SPIDR: variants seen among roughly 807,000 people sequenced by gnomAD.
SPIDR encodes scaffold protein involved in DNA repair.
In SPIDR, 93 loss-of-function variants were observed where a neutral mutation model predicts 104.6. The observed-to-expected ratio is 0.89, with a 90% CI of 0.75 to 1.06. The LOEUF is 1.06. Among genes scored for constraint, SPIDR ranks in the 50% least tolerant of loss-of-function variants. The probability of loss-of-function intolerance (pLI) is 0.00; values close to 1 mark genes in which losing one functional copy is unlikely to be tolerated. For synonymous variants in SPIDR, 431 were observed against 416.9 expected, an observed-to-expected ratio of 1.03 and a Z score of -0.41; for missense variants, 1,154 against 1,111.2, an observed-to-expected ratio of 1.04 and a Z score of -0.55.
chr8:47,620,560 A>T (rs909608239), intron 10 of SPIDR, among the ~76,000 whole-genome samples: 1 of 147,240 alleles, frequency 6.8e-6, no homozygotes, highest in African/African-American at 2.5e-5. Context: ...GAGCCACCGC[A>T]CCCGGCCCAT....
At chr8:47,471,907 G>A (rs1168789319) in intron 8 of SPIDR, among the ~76,000 whole-genome samples, 2 of 152,116 alleles carry the variant, frequency 1.3e-5, no homozygotes, top group Non-Finnish European at 2.9e-5. Context: ...TGAATTAAGG[G>A]CAATAATTCC....
At chr8:47,409,437 T>C (rs1414318233) in intron 7 of SPIDR, among the ~76,000 whole-genome samples, 2 of 152,024 alleles carry the variant, frequency 1.3e-5, no homozygotes, top group East Asian at 3.8e-4. Context: ...ATTTGGTAGT[T>C]TTTTCCTGTG....
intron 19 of SPIDR, chr8:47,732,415 G>A: frequency 1.8e-6 from 1 of 564,174 alleles, no homozygotes; most frequent in Non-Finnish European, 3.2e-6. Context: ...GCGTACATGT[G>A]TGTATGTGTG....
At chr8:47,622,384 C>G (rs1167876518) in intron 10 of SPIDR, among the ~76,000 whole-genome samples, 1 of 152,158 alleles carries the variant, frequency 6.6e-6, no homozygotes, top group East Asian at 1.9e-4. Flanking sequence ...GTGACGTTCC[C>G]TAAGCTTCTG....
rs752295991 is a variant in SPIDR, at chr8:47,682,254, C to CAAAAAAAAAAAAAAAAAAAAAA, written c.1685+8334_1685+8335insAAAAAAAAAAAAAAAAAAAAAA. ...GACCTCAAAAACATGATGCTAAGTC[C>CAAAAAAAAAAAAAAAAAAAAAA]AAAAAAAAAAAAAAAAAAAAACCCA... On this transcript the variant is annotated intron_variant, in intron 11 of 19. Transcript: ENST00000297423. 4.2e-5 allele frequency among the ~76,000 whole-genome samples: 3 copies of CAAAAAAAAAAAAAAAAAAAAAA among 72,196 alleles called. 1 individual carries two copies. Among genetic ancestry groups the CAAAAAAAAAAAAAAAAAAAAAA allele is most frequent in the African/African-American group, 1.1e-4 (2 of 19,030 alleles). The allele number at this position is 72,196 out of a possible 152,430, so 47.4% of individuals were successfully genotyped here. A position where few individuals can be genotyped will look rare whatever the true frequency, so the allele number is the denominator to read the frequency against.
intron 8 of SPIDR, among the ~76,000 whole-genome samples, chr8:47,493,961 G>A (rs2079084298): frequency 6.6e-6 from 1 of 152,052 alleles, no homozygotes. Flanking sequence ...AAGGGGGAGA[G>A]CAAATTATGG....
intron 19 of SPIDR, among the ~76,000 whole-genome samples, chr8:47,733,721 C>A (rs2085666569): frequency 6.6e-6 from 1 of 152,076 alleles, no homozygotes; most frequent in African/African-American, 2.4e-5. Context: ...GACGGGCCCA[C>A]ATGGGATCAT....
rs780924292 is a variant in SPIDR, at chr8:47,735,376, G to A, written c.2674G>A (p.Ala892Thr). 1.1e-5 allele frequency: 18 copies of A among 1,613,894 alleles called. No individual in the cohort carries two copies. The highest frequency in any genetic ancestry group is 5.3e-5 in the African/African-American group (4 of 74,906). ...AAATTGTTTTGTCCAGTCCGTAACC[G>A]CCCACCCGACCAGCTGCATTGGATT... ...LLNCFVQSVTAHPTSCIGLEE... is the reference protein window; with the variant it reads ...LLNCFVQSVTTHPTSCIGLEE... The change falls in exon 20 of 20, where the codon GCC becomes ACC. Residue 892 changes from alanine (A) to threonine (T), a missense_variant. Ala to Thr is a moderately conservative substitution (Grantham distance 58). Transcript: ENST00000297423.
At chr8:47,490,352 G>A (rs527833882) in intron 8 of SPIDR, among the ~76,000 whole-genome samples, 131 of 152,298 alleles carry the variant, frequency 8.6e-4, no homozygotes, top group African/African-American at 2.8e-3. Flanking sequence ...GAAACAACAG[G>A]TGCTGGAGAG....
intron 5 of SPIDR, among the ~76,000 whole-genome samples, chr8:47,297,955 T>C (rs2041209407): frequency 6.6e-6 from 1 of 152,224 alleles, no homozygotes; most frequent in Admixed American, 6.5e-5. Flanking sequence ...TATTTTGTAA[T>C]CCTTTTGGTA....
chr8:47,534,440 A>G (rs1046696703), intron 8 of SPIDR, among the ~76,000 whole-genome samples: 1 of 152,240 alleles, frequency 6.6e-6, no homozygotes, highest in African/African-American at 2.4e-5. Context: ...ATGGAATACT[A>G]TGCAGCCATA....
At chr8:47,686,647 A>G (rs2077867933) in intron 11 of SPIDR, among the ~76,000 whole-genome samples, 1 of 152,184 alleles carries the variant, frequency 6.6e-6, no homozygotes, top group Non-Finnish European at 1.5e-5. Context: ...AGGTGCACCA[A>G]ATTCCAAAGT....
At chr8:47,310,694 T>G (rs772363951) in intron 5 of SPIDR, among the ~76,000 whole-genome samples, 5 of 152,136 alleles carry the variant, frequency 3.3e-5, no homozygotes, top group Non-Finnish European at 5.9e-5. Flanking sequence ...CTCTAGCAGC[T>G]AGAAAGTTAG....
At chr8:47,548,109 T>G (rs2089770583) in intron 8 of SPIDR, among the ~76,000 whole-genome samples, 2 of 152,360 alleles carry the variant, frequency 1.3e-5, no homozygotes, top group South Asian at 4.1e-4. Flanking sequence ...TGGAGTGTGT[T>G]GTTTAGTTTC....
At chr8:47,706,532 C>A (rs747599426) in intron 14 of SPIDR, among the ~76,000 whole-genome samples, 2 of 152,178 alleles carry the variant, frequency 1.3e-5, no homozygotes, top group African/African-American at 4.8e-5. Flanking sequence ...GTCACATGTA[C>A]AGCCTTGCAT....
intron 14 of SPIDR, among the ~76,000 whole-genome samples, chr8:47,711,641 C>T (rs2081902652): frequency 1.3e-5 from 2 of 152,198 alleles, no homozygotes; most frequent in East Asian, 1.9e-4. Flanking sequence ...TGTGTATATT[C>T]ATCCACATAC....
Position 47,735,313 on chromosome 8 carries a change from G to T in SPIDR, c.2611G>T (p.Glu871Ter), listed in dbSNP as rs753126834. Residue 871 changes from glutamate to a stop codon, truncating the protein, a stop_gained, in exon 20 of 20, where the codon GAA (glutamate) becomes TAA (stop). Coordinates refer to ENST00000297423, the MANE Select transcript of SPIDR (RefSeq NM_001080394.4). LOFTEE classifies it low-confidence loss of function (END_TRUNC). ...RFAAGEDGSY[E>*]VKSVLGKEVG... ...GTGCCTTTTATCACTGCAGAGCTAC[G>T]AAGTGAAGAGTGTCCTCGGAAAGGA... 1.2e-6 allele frequency: 2 copies of T among 1,614,044 alleles called. No individual in the cohort carries two copies. The highest frequency in any genetic ancestry group is 1.6e-4 in the Middle Eastern group (1 of 6,062).
intron 8 of SPIDR, among the ~76,000 whole-genome samples, chr8:47,520,308 A>G (rs1321952002): frequency 6.6e-6 from 1 of 152,170 alleles, no homozygotes; most frequent in Non-Finnish European, 1.5e-5. Context: ...TAAGCCCCAT[A>G]GATGAGAGGG....
chr8:47,396,795 A>T (rs1333068783), intron 6 of SPIDR, among the ~76,000 whole-genome samples, 169 bp downstream of exon 6: 1 of 152,240 alleles, frequency 6.6e-6, no homozygotes, highest in East Asian at 1.9e-4. Context: ...CATGCCCAGC[A>T]GATGTGACTG....
Sources: allele counts gnomAD v4.1 joint callset (sites outside exome capture counted in the v4.1 genomes callset), GRCh38; gene constraint gnomAD v4.1.1; transcripts MANE v1.5; gene names NCBI Gene and HGNC (gene_info 2026-07-23, HGNC 2026-07-21).